Variants in KLHL29 observed in about 807,000 individuals in gnomAD.
The protein encoded by KLHL29 is kelch-like protein 29.
A neutral mutation model predicts 80.4 loss-of-function variants in KLHL29; 21 were observed. The ratio of observed to expected loss-of-function variants is 0.26; its 90% CI spans 0.19 to 0.38. The LOEUF (loss-of-function observed/expected upper bound fraction) is 0.38. Among genes scored for constraint, KLHL29 ranks in the 10% least tolerant of loss-of-function variants. The probability of loss-of-function intolerance (pLI) is 1.00; values close to 1 mark genes in which losing one functional copy is unlikely to be tolerated. For missense variants in KLHL29, 867 were observed against 1,223.9 expected, an observed-to-expected ratio of 0.71 and a Z score of 4.35; for synonymous variants, 511 against 526.8, an observed-to-expected ratio of 0.97 and a Z score of 0.41.
chr2:23,653,251 C>T (rs1254137638), intron 5 of KLHL29, among the ~76,000 whole-genome samples: 1 of 152,176 alleles, frequency 6.6e-6, no homozygotes, highest in Non-Finnish European at 1.5e-5. Flanking sequence ...ATCACATTTC[C>T]CCCAGAAACT....
intron 1 of KLHL29, among the ~76,000 whole-genome samples, chr2:23,464,117 T>G (rs764880807): frequency 6.6e-6 from 1 of 152,202 alleles, no homozygotes; most frequent in Non-Finnish European, 1.5e-5. Flanking sequence ...TGCAAAATGA[T>G]TATAATATTA....
At chr2:23,629,847 A>G (rs980167762) in intron 3 of KLHL29, among the ~76,000 whole-genome samples, 1 of 152,228 alleles carries the variant, frequency 6.6e-6, no homozygotes, top group East Asian at 1.9e-4. Context: ...CAGGGCCCCA[A>G]CAATCCTGAG....
chr2:23,580,245 G>T (rs540011079), intron 3 of KLHL29, among the ~76,000 whole-genome samples: 1 of 151,992 alleles, frequency 6.6e-6, no homozygotes, highest in African/African-American at 2.4e-5. Flanking sequence ...GGTGGCAGGC[G>T]CCTGTAGTCC....
chr2:23,423,832 G>C (rs941171172), intron 1 of KLHL29, among the ~76,000 whole-genome samples: 7 of 152,192 alleles, frequency 4.6e-5, no homozygotes, highest in Non-Finnish European at 1.0e-4. Flanking sequence ...CATAGGCCAG[G>C]CTCCTCCACC....
At chr2:23,408,430 GCT>G (rs1666785624) in intron 1 of KLHL29, among the ~76,000 whole-genome samples, 1 of 151,444 alleles carries the variant, frequency 6.6e-6, no homozygotes, top group Admixed American at 6.6e-5. Flanking sequence ...ATTTACTCTT[GCT>G]CTCTCTGTGT....
At chr2:23,628,482 G>T (rs546906306) in intron 3 of KLHL29, among the ~76,000 whole-genome samples, 2 of 152,110 alleles carry the variant, frequency 1.3e-5, no homozygotes, top group African/African-American at 2.4e-5. Flanking sequence ...GGCCTGAGTC[G>T]CTGGGCTCAC....
rs1467061120 is a variant in KLHL29 at position 23,445,878 on chromosome 2, A to G, written c.-153-29682A>G. On this transcript the variant is annotated intron_variant, in intron 1 of 13. Transcript: ENST00000486442. ...CATTTTTTTCATAGGTCTAAGGGCC[A>G]TCTCCCCTTTTCTTTCTATAAACTG... Among the ~76,000 whole-genome samples the G allele has an allele frequency of 4.6e-5, 7 of 152,186 alleles. No homozygotes were observed. In the South Asian group the frequency reaches 1.5e-3, roughly 32 times the overall value.
At chr2:23,417,836 C>A (rs1662628092) in intron 1 of KLHL29, among the ~76,000 whole-genome samples, 1 of 152,134 alleles carries the variant, frequency 6.6e-6, no homozygotes, top group South Asian at 2.1e-4. Context: ...CTCCCTAGAA[C>A]CTTTACTGCC....
At chr2:23,588,578 G>A (rs994876318) in intron 3 of KLHL29, among the ~76,000 whole-genome samples, 1 of 152,210 alleles carries the variant, frequency 6.6e-6, no homozygotes, top group South Asian at 2.1e-4. Flanking sequence ...CTTAGACTGT[G>A]GTCTGAGGCC....
Position 23,699,976 on chromosome 2 carries a change from C to A in KLHL29, c.2106-3210C>A, listed in dbSNP as rs1672264372. Among the ~76,000 whole-genome samples the A allele has an allele frequency of 2.6e-5, 4 of 152,220 alleles. No homozygotes were observed. The South Asian group carries it at 8.3e-4, about 32-fold the overall frequency. ...AATGGAGCCATCAGTCAAGAACTTG[C>A]TCACCTTCCTGCAGTCATTCCTACA... On this transcript the variant is annotated intron_variant, in intron 11 of 13. Coordinates refer to ENST00000486442, the MANE Select transcript of KLHL29 (RefSeq NM_052920.2).
chr2:23,444,720 A>T (rs1004467960), intron 1 of KLHL29, among the ~76,000 whole-genome samples: 2 of 152,216 alleles, frequency 1.3e-5, no homozygotes, highest in Non-Finnish European at 2.9e-5. Context: ...TTATAACACC[A>T]ATATTATTAC....
intron 3 of KLHL29, among the ~76,000 whole-genome samples, chr2:23,638,384 C>T (rs933473154): frequency 3.3e-5 from 5 of 151,870 alleles, no homozygotes; most frequent in African/African-American, 4.8e-5. Flanking sequence ...AAATACTGTC[C>T]TGGTGTTTTT....
chr2:23,636,089 C>T lies in KLHL29; in HGVS notation c.286-3050C>T, dbSNP rs190675305. ...GACCCACGGCCCTGAACATGGTCCC[C>T]TAGAAGCTTCCAGAACCCGGGGACC... On this transcript the variant is annotated intron_variant, in intron 3 of 13. Transcript: ENST00000486442. Among the ~76,000 whole-genome samples, 95 of 152,282 alleles carry T rather than the reference C, an allele frequency of 6.2e-4. 1 individual carries two copies. Among genetic ancestry groups the T allele is most frequent in the Admixed American group, 6.2e-3 (95 of 15,300 alleles).
intron 2 of KLHL29, among the ~76,000 whole-genome samples, chr2:23,508,992 T>G (rs1665690473): frequency 6.6e-6 from 1 of 152,208 alleles, no homozygotes; most frequent in South Asian, 2.1e-4. Context: ...TGTAAAAGAT[T>G]TGGATGATAA....
intron 3 of KLHL29, among the ~76,000 whole-genome samples, chr2:23,622,120 T>A (rs142662651): frequency 6.6e-6 from 1 of 152,186 alleles, no homozygotes; most frequent in African/African-American, 2.4e-5. Flanking sequence ...GATTCTCATT[T>A]TGTAGATGAG....
intron 5 of KLHL29, among the ~76,000 whole-genome samples, chr2:23,659,968 C>T (rs1262130261): frequency 6.6e-6 from 1 of 152,122 alleles, no homozygotes; most frequent in Non-Finnish European, 1.5e-5. Context: ...AAGCCCCTCA[C>T]CTGTTGCTCA....
intron 5 of KLHL29, among the ~76,000 whole-genome samples, chr2:23,666,425 T>C (rs946593879): frequency 4.6e-5 from 7 of 151,910 alleles, no homozygotes; most frequent in Admixed American, 4.6e-4. Context: ...GGGAGGACAC[T>C]ATAGTGTGCG....
chr2:23,516,346 T>G (rs977928018), intron 2 of KLHL29, among the ~76,000 whole-genome samples: 1 of 151,600 alleles, frequency 6.6e-6, no homozygotes, highest in Non-Finnish European at 1.5e-5. Context: ...AGGCCAAGGG[T>G]CATGATTTCC....
chr2:23,493,672 C>T (rs1665172831), intron 2 of KLHL29, among the ~76,000 whole-genome samples: 3 of 151,698 alleles, frequency 2.0e-5, no homozygotes, highest in African/African-American at 2.4e-5. Flanking sequence ...CATGTGTGTG[C>T]ATGTGTATGT....
Sources: gnomAD v4.1 joint callset for allele counts (sites outside exome capture counted in the v4.1 genomes callset) on GRCh38, gnomAD v4.1.1 for gene constraint, MANE v1.5 for transcripts, NCBI Gene and HGNC (gene_info 2026-07-23, HGNC 2026-07-21) for gene names.